The following CLASRP variants were observed in gnomAD, a reference collection of about 807,000 sequenced individuals.
The protein encoded by CLASRP is CLK4-associating serine/arginine rich protein.
CLASRP carries 52 observed loss-of-function variants against 99.9 expected under a neutral mutation model. That is an observed-to-expected ratio of 0.52 (90% CI 0.42 to 0.66). The LOEUF is 0.66. CLASRP is among the 30% of genes least tolerant of loss of function. The pLI is 0.00. For synonymous variants in CLASRP, 379 were observed against 373.0 expected, an observed-to-expected ratio of 1.02 and a Z score of -0.18; for missense variants, 848 against 999.2, an observed-to-expected ratio of 0.85 and a Z score of 2.04.
At chr19:45,056,738 T>C (rs1972126433) in intron 6 of CLASRP, among the ~76,000 whole-genome samples, 1 of 152,190 alleles carries the variant, frequency 6.6e-6, no homozygotes, top group Non-Finnish European at 1.5e-5. Flanking sequence ...CTGCGTTACA[T>C]TTTCAGCTTG....
intron 6 of CLASRP, among the ~76,000 whole-genome samples, chr19:45,057,324 TG>T (rs1972138361): frequency 6.6e-6 from 1 of 152,168 alleles, no homozygotes; most frequent in Non-Finnish European, 1.5e-5. Context: ...GGGAGCTTCT[TG>T]GAGACTTCAG....
intron 2 of CLASRP, among the ~76,000 whole-genome samples, chr19:45,043,033 T>C (rs887342476): frequency 2.0e-5 from 3 of 152,134 alleles, no homozygotes; most frequent in Non-Finnish European, 4.4e-5. Context: ...TTTAAAATAT[T>C]GTATACAATT....
At position 45,068,497 on chromosome 19, in the gene CLASRP, C is replaced by T. The variant is rs374083525; in HGVS notation, c.1768+17C>T. ...ACAGGCAGTGTATGTTCTGCCCTGT[C>T]CCTCCAGGGTTTCACAGCTCTTCTT... is the stretch of plus-strand genomic sequence containing the variant. On this transcript the variant is annotated intron_variant, in intron 16 of 20. Transcript: ENST00000221455. 333 of 1,592,248 alleles carry T rather than the reference C, an allele frequency of 2.1e-4. No homozygotes were observed. The highest frequency in any genetic ancestry group is 2.8e-4 in the Non-Finnish European group (324 of 1,160,248).
At chr19:45,070,163 G>T (rs557820822) in intron 19 of CLASRP, 59 bp downstream of exon 19, 72 of 1,143,080 alleles carry the variant, frequency 6.3e-5, no homozygotes, top group Non-Finnish European at 9.0e-5. Flanking sequence ...GTCAAGCAGG[G>T]TTACCAAAAA....
Position 45,069,123 on chromosome 19 carries a change from A to C in CLASRP, c.1826A>C (p.Gln609Pro). The change falls in exon 17 of 21, where the codon CAG becomes CCG. Residue 609 changes from glutamine to proline, a missense_variant and splice_region_variant. Around this residue, in one of 8 missense-constraint regions of CLASRP, gnomAD observed 116 missense variants for 162.7 expected, o/e 0.71. Transcript: ENST00000221455. ...ATGATCCAGCAGGAGCATGAGCGGC[A>C]GGTGAAGTGGGAAAGGGAGGGCTGG... Reference protein sequence around the residue: ...EKMIQQEHERQEREDELRAMA... With the variant: ...EKMIQQEHERPEREDELRAMA... 6.2e-7 allele frequency: 1 copy of C among 1,613,730 alleles called. No homozygotes were observed. Among genetic ancestry groups the C allele is most frequent in the Non-Finnish European group, 8.5e-7 (1 of 1,179,634 alleles).
intron 15 of CLASRP, 85 bp downstream of exon 15, chr19:45,068,139 C>G (rs1967136163): frequency 7.6e-7 from 1 of 1,320,746 alleles, no homozygotes; most frequent in African/African-American, 1.5e-5. Context: ...GCAGGGGGGC[C>G]CGGGTGGGCT....
chr19:45,044,262 G>A (rs896941348), intron 2 of CLASRP, among the ~76,000 whole-genome samples: 1 of 152,246 alleles, frequency 6.6e-6, no homozygotes, highest in African/African-American at 2.4e-5. Context: ...GAACAGGCCT[G>A]CGAGGTAGGT....
chr19:45,068,080 G>T, intron 15 of CLASRP, 26 bp downstream of exon 15: 1 of 1,611,728 alleles, frequency 6.2e-7, no homozygotes, highest in Non-Finnish European at 8.5e-7. Context: ...GAACTCGCCC[G>T]TCTAATTCCC....
At chr19:45,040,961 G>A (rs1425914758) in intron 2 of CLASRP, among the ~76,000 whole-genome samples, 2 of 151,888 alleles carry the variant, frequency 1.3e-5, no homozygotes, top group East Asian at 1.9e-4. Flanking sequence ...AAGACTCAAC[G>A]CCTGTAATCC....
At chr19:45,070,730 G>A in intron 20 of CLASRP, 73 bp from the exon 21 acceptor site, 8 of 1,389,354 alleles carry the variant, frequency 5.8e-6, no homozygotes, top group Non-Finnish European at 7.2e-6. Flanking sequence ...CCCGATCACT[G>A]AAGCATCCAC....
intron 6 of CLASRP, 89 bp from the exon 7 acceptor site, chr19:45,057,661 C>A: frequency 6.8e-7 from 1 of 1,468,198 alleles, no homozygotes; most frequent in Non-Finnish European, 9.4e-7. Context: ...GGGGAGGGGG[C>A]CGTGGCACTC....
intron 6 of CLASRP, 88 bp downstream of exon 6, chr19:45,056,622 A>G (rs1972124126): frequency 1.9e-6 from 2 of 1,044,700 alleles, no homozygotes; most frequent in Non-Finnish European, 3.0e-6. Flanking sequence ...CCTGTCCACC[A>G]GGGTCTCCCC....
intron 2 of CLASRP, chr19:45,040,532 T>G: frequency 2.4e-6 from 1 of 411,538 alleles, no homozygotes; most frequent in Non-Finnish European, 4.6e-6. Context: ...CCAGTGCCGA[T>G]CCGGTGTTAG....
chr19:45,058,794 C>A (rs1367599965), intron 7 of CLASRP, among the ~76,000 whole-genome samples: 3 of 152,028 alleles, frequency 2.0e-5, no homozygotes, highest in Non-Finnish European at 4.4e-5. Context: ...GTGACCCACA[C>A]CCTGCCTGCC....
chr19:45,050,079 G>C (rs1254044915), intron 2 of CLASRP, among the ~76,000 whole-genome samples: 3 of 152,062 alleles, frequency 2.0e-5, no homozygotes, highest in Non-Finnish European at 4.4e-5. Flanking sequence ...CAGAAGCACG[G>C]GGCATGTCTG....
intron 11 of CLASRP, among the ~76,000 whole-genome samples, chr19:45,063,144 A>C (rs563490446): frequency 6.6e-6 from 1 of 152,124 alleles, no homozygotes; most frequent in East Asian, 1.9e-4. Context: ...TATTTTTAAA[A>C]TTTTATATAT....
chr19:45,040,507 G>A (rs910929859), intron 2 of CLASRP, 196 bp downstream of exon 2: 8 of 480,832 alleles, frequency 1.7e-5, no homozygotes, highest in Middle Eastern at 1.1e-3. Flanking sequence ...ATACTGTGTC[G>A]TTTGGTGTGG....
intron 2 of CLASRP, among the ~76,000 whole-genome samples, chr19:45,042,319 G>A (rs945883391): frequency 2.6e-5 from 4 of 151,986 alleles, no homozygotes; most frequent in Non-Finnish European, 2.9e-5. Context: ...CTCTTCTAGG[G>A]AGGACAGACT....
At chr19:45,048,441 G>T (rs531158593) in intron 2 of CLASRP, among the ~76,000 whole-genome samples, 1 of 150,446 alleles carries the variant, frequency 6.6e-6, no homozygotes, top group South Asian at 2.1e-4. Flanking sequence ...CAGGAGAATC[G>T]CTTGAACCTG....
Sources: allele counts gnomAD v4.1 joint callset (sites outside exome capture counted in the v4.1 genomes callset), GRCh38; gene constraint gnomAD v4.1.1; regional missense constraint gnomAD v4.1.1; transcripts MANE v1.5; gene names NCBI Gene and HGNC (gene_info 2026-07-23, HGNC 2026-07-21).